Variants in FAM216A observed in about 807,000 individuals in gnomAD.
The protein encoded by FAM216A is family with sequence similarity 216 member A.
Under a neutral mutation model 37.6 loss-of-function variants are expected in FAM216A, and 26 were observed. The ratio of observed to expected loss-of-function variants is 0.69; its 90% confidence interval spans 0.51 to 0.96. The LOEUF is 0.96. FAM216A is among the 40% of genes least tolerant of loss of function. The pLI is 0.00. For missense variants in FAM216A, 326 were observed against 339.3 expected (o/e 0.96, Z 0.31); for synonymous variants, 110 against 121.7 (o/e 0.90, Z 0.64).
chr12:110,478,859 A>G (rs2062730005), intron 2 of FAM216A, among the ~76,000 whole-genome samples: 1 of 152,160 alleles, frequency 6.6e-6, no homozygotes, highest in Non-Finnish European at 1.5e-5. Flanking sequence ...TATGGCAGCA[A>G]AATGAAACTA....
intron 1 of FAM216A, 68 bp from the exon 2 acceptor site, chr12:110,473,005 TTGAAA>T (rs2062695156): frequency 5.8e-6 from 2 of 341,946 alleles, no homozygotes; most frequent in Non-Finnish European, 1.0e-5. Context: ...AAAAAAAAAA[TTGAAA>T]TATGTTGTTC....
At position 110,490,218 on chromosome 12, in the gene FAM216A, A is replaced by C. The variant is rs1461269362; in HGVS notation, c.*81A>C. On this transcript the variant is annotated 3_prime_UTR_variant, in exon 7 of 7. Coordinates refer to ENST00000377673, the MANE Select transcript of FAM216A (RefSeq NM_013300.3). Reference sequence around the variant, plus strand: ...TTGTGTCCTGTATGTTTAGGATGGTATTGTTATTTATTAAATCATTAAGTA... The same window carrying C: ...TTGTGTCCTGTATGTTTAGGATGGTCTTGTTATTTATTAAATCATTAAGTA... The C allele has an allele frequency of 1.3e-6, 1 of 760,708 alleles. No homozygotes were observed. Among genetic ancestry groups the C allele is most frequent in the Non-Finnish European group, 2.3e-6 (1 of 428,144 alleles). The allele number at this position is 760,708 out of a possible 1,614,324, so 47.1% of individuals were successfully genotyped here. A position where few individuals can be genotyped will look rare whatever the true frequency, so the allele number is the denominator to read the frequency against.
intron 1 of FAM216A, among the ~76,000 whole-genome samples, chr12:110,471,080 C>T (rs1172310464): frequency 6.6e-6 from 1 of 151,860 alleles, no homozygotes; most frequent in African/African-American, 2.4e-5. Context: ...ATGGGAACTC[C>T]GGAACTCCTT....
chr12:110,490,238 T>G lies in FAM216A; in HGVS notation c.*101T>G. ...ATGGTATTGTTATTTATTAAATCATTAAGTAATTTTGGTTTGTTCAGAAAC... is the reference window on the plus strand; with the variant it reads ...ATGGTATTGTTATTTATTAAATCATGAAGTAATTTTGGTTTGTTCAGAAAC... On this transcript the variant is annotated 3_prime_UTR_variant, in exon 7 of 7. Transcript: ENST00000377673. 1.4e-6 allele frequency: 1 copy of G among 740,400 alleles called. No individual in the cohort carries two copies. The highest frequency in any genetic ancestry group is 2.3e-4 in the Middle Eastern group (1 of 4,288). 45.9% of individuals were successfully genotyped at this position (740,400 alleles called of 1,614,324 possible).
chr12:110,487,138 C>CT (rs951988566), intron 5 of FAM216A: 255 of 146,876 alleles, frequency 1.7e-3, no homozygotes, highest in Admixed American at 4.0e-3. Context: ...AGCAGAGATA[C>CT]TTTTTTTTTT....
chr12:110,481,583 C>T (rs1472844644), intron 2 of FAM216A, among the ~76,000 whole-genome samples: 1 of 150,630 alleles, frequency 6.6e-6, no homozygotes, highest in Non-Finnish European at 1.5e-5. Context: ...GGCTTGGTCT[C>T]GACTCCCAAC....
At position 110,468,946 on chromosome 12, in the gene FAM216A, G is replaced by C. The variant is rs1456934200; in HGVS notation, c.71G>C (p.Gly24Ala). The stretch of plus-strand genomic sequence containing the variant: ...GCGGAGATGCCCGGCCAGGGTCCGG[G>C]GTCCGACTGGACGGAGCGTAGCTCT... Reference protein sequence around the residue: ...GAAEMPGQGPGSDWTERSSSA... With the variant: ...GAAEMPGQGPASDWTERSSSA... Residue 24 changes from glycine (G) to alanine (A), a missense_variant, in exon 1 of 7, where the codon GGG (glycine) becomes GCG (alanine). By Grantham distance (60) the Gly-to-Ala change is moderately conservative. Coordinates refer to ENST00000377673, the MANE Select transcript of FAM216A (RefSeq NM_013300.3). 1 of 1,525,538 alleles carries C rather than the reference G, an allele frequency of 6.6e-7. No homozygotes were observed. 94.5% of individuals were successfully genotyped at this position (1,525,538 alleles called of 1,614,324 possible). A position where few individuals can be genotyped will look rare whatever the true frequency, so the allele number is the denominator to read the frequency against.
intron 2 of FAM216A, among the ~76,000 whole-genome samples, chr12:110,479,300 T>G (rs527881803): frequency 2.0e-5 from 3 of 152,238 alleles, no homozygotes; most frequent in African/African-American, 7.2e-5. Context: ...GAAAGAAATG[T>G]GTGTGCATTT....
upstream of FAM216A, chr12:110,468,550 T>G (rs1288725913): frequency 8.5e-6 from 13 of 1,537,294 alleles, no homozygotes; most frequent in Non-Finnish European, 1.1e-5. Context: ...TGCAGACGTT[T>G]GACCTGTATG....
chr12:110,482,292 C>T (rs533726071), intron 2 of FAM216A, among the ~76,000 whole-genome samples: 3 of 151,926 alleles, frequency 2.0e-5, no homozygotes, highest in African/African-American at 7.2e-5. Context: ...CCATGTTGGC[C>T]AGGCTGGTCT....
At chr12:110,489,901 A>C in intron 6 of FAM216A, 118 bp from the exon 7 acceptor site, 1 of 600,974 alleles carries the variant, frequency 1.7e-6, no homozygotes, top group South Asian at 2.0e-5. Flanking sequence ...AAGAGCCTTG[A>C]AAATTGCAGG....
intron 2 of FAM216A, among the ~76,000 whole-genome samples, chr12:110,474,871 A>C (rs1345325036): frequency 6.6e-6 from 1 of 151,852 alleles, no homozygotes; most frequent in Non-Finnish European, 1.5e-5. Flanking sequence ...GTGGTGGTGC[A>C]TCCCTATAAT....
At chr12:110,470,063 C>T (rs910545230) in intron 1 of FAM216A, among the ~76,000 whole-genome samples, 3 of 151,884 alleles carry the variant, frequency 2.0e-5, no homozygotes, top group African/African-American at 4.8e-5. Context: ...CAGTACAACC[C>T]GCAGTCAGGG....
intron 2 of FAM216A, among the ~76,000 whole-genome samples, chr12:110,479,956 CAA>C (rs2062736671): frequency 6.6e-6 from 1 of 151,258 alleles, no homozygotes; most frequent in Admixed American, 6.6e-5. Context: ...GCAGTATATT[CAA>C]AAGTTCTTGG....
chr12:110,484,763 T>A (rs920685862), intron 2 of FAM216A, among the ~76,000 whole-genome samples: 1 of 152,034 alleles, frequency 6.6e-6, no homozygotes, highest in African/African-American at 2.4e-5. Context: ...GATCTTTTTT[T>A]TTTTTTTAAG....
At chr12:110,488,893 A>G (rs1449888880) in intron 6 of FAM216A, among the ~76,000 whole-genome samples, 1 of 152,212 alleles carries the variant, frequency 6.6e-6, no homozygotes, top group East Asian at 1.9e-4. Flanking sequence ...CTCTCTCAAA[A>G]TATCTTATAC....
At chr12:110,488,733 T>C (rs2135558030) in intron 6 of FAM216A, among the ~76,000 whole-genome samples, 1 of 152,358 alleles carries the variant, frequency 6.6e-6, no homozygotes, top group Admixed American at 6.5e-5. Context: ...TCTTGGATAC[T>C]ACTGAACCCT....
At chr12:110,471,923 T>G (rs955232146) in intron 1 of FAM216A, among the ~76,000 whole-genome samples, 5 of 152,174 alleles carry the variant, frequency 3.3e-5, no homozygotes, top group Admixed American at 2.0e-4. Flanking sequence ...TAGCACACCT[T>G]AATTACTATT....
chr12:110,468,580 A>G (rs1592971536), upstream of FAM216A: 2 of 1,537,182 alleles, frequency 1.3e-6, no homozygotes, highest in South Asian at 1.2e-5. Context: ...GCGATTTGCA[A>G]ATGTGCTGAG....
Sources: allele counts gnomAD v4.1 joint callset (sites outside exome capture counted in the v4.1 genomes callset), GRCh38; gene constraint gnomAD v4.1.1; transcripts MANE v1.5; gene names NCBI Gene and HGNC (gene_info 2026-07-23, HGNC 2026-07-21).